The following CCDC91 variants were observed in gnomAD, a reference collection of about 807,000 sequenced individuals.
CCDC91 encodes the protein coiled-coil domain-containing protein 91.
CCDC91 carries 48 observed loss-of-function variants against 63.2 expected under a neutral mutation model. That is an observed-to-expected ratio of 0.76 (90% CI 0.60 to 0.97). The LOEUF (loss-of-function observed/expected upper bound fraction) is 0.97, where lower values mean the gene tolerates loss of function less well. Ranked by LOEUF, CCDC91 falls within the 50% of genes least tolerant of loss-of-function variation. The pLI is 0.00. For missense variants in CCDC91, 500 were observed against 494.6 expected (o/e 1.01, Z -0.10); for synonymous variants, 167 against 165.8 (o/e 1.01, Z -0.06).
intron 11 of CCDC91, among the ~76,000 whole-genome samples, chr12:28,469,160 T>G (rs181694194): frequency 4.1e-4 from 62 of 152,094 alleles, no homozygotes; most frequent in Non-Finnish European, 2.2e-4. Context: ...TTATTTTTTT[T>G]GCAGATGATT....
At chr12:28,343,507 TG>T (rs1260793790) in intron 6 of CCDC91, among the ~76,000 whole-genome samples, 1 of 151,704 alleles carries the variant, frequency 6.6e-6, no homozygotes, top group East Asian at 1.9e-4. Context: ...AGAGAAAGGG[TG>T]GGGTAAGAGG....
At chr12:28,384,072 C>T (rs1945454909) in intron 7 of CCDC91, among the ~76,000 whole-genome samples, 1 of 152,132 alleles carries the variant, frequency 6.6e-6, no homozygotes, top group South Asian at 2.1e-4. Flanking sequence ...GAACAGCATT[C>T]AGGGCCAAAT....
intron 3 of CCDC91, among the ~76,000 whole-genome samples, chr12:28,303,104 T>G (rs1312576813): frequency 6.6e-6 from 1 of 152,128 alleles, no homozygotes; most frequent in Non-Finnish European, 1.5e-5. Context: ...GTCATTATCA[T>G]TCTCTGGAGA....
chr12:28,532,091 C>T (rs1206776894), intron 12 of CCDC91, among the ~76,000 whole-genome samples: 1 of 151,884 alleles, frequency 6.6e-6, no homozygotes, highest in Admixed American at 6.6e-5. Flanking sequence ...AAGGAAGTTC[C>T]TTATAGAGGG....
In CCDC91 at chr12:28,528,064, C is replaced by G. The variant is rs373166267; in HGVS notation, c.1216-20999C>G. On this transcript the variant is annotated intron_variant, in intron 12 of 12. Transcript: ENST00000536442. ...AGTAAGCAGGGCTTTCCTTCTCCCC[C>G]CACCTGTGGAGTCTGCACGCTGGAT... 2.3e-4 allele frequency among the ~76,000 whole-genome samples: 35 copies of G among 152,284 alleles called. No individual in the cohort carries two copies. In the East Asian group the frequency reaches 5.4e-3, roughly 24 times the overall value.
At chr12:28,536,048 T>C (rs1228087219) in intron 12 of CCDC91, among the ~76,000 whole-genome samples, 2 of 150,560 alleles carry the variant, frequency 1.3e-5, no homozygotes, top group South Asian at 4.2e-4. Context: ...AAAAAATATA[T>C]ATTGTGGGAA....
intron 1 of CCDC91, among the ~76,000 whole-genome samples, chr12:28,251,482 T>C (rs531322223): frequency 4.6e-5 from 7 of 152,096 alleles, no homozygotes; most frequent in African/African-American, 1.4e-4. Context: ...AAGAAAAACT[T>C]TCTTGAGTTT....
At chr12:28,285,011 G>GTC (rs1948829888) in intron 3 of CCDC91, among the ~76,000 whole-genome samples, 4 of 152,174 alleles carry the variant, frequency 2.6e-5, no homozygotes, top group African/African-American at 9.7e-5. Flanking sequence ...AGGGTTGGTG[G>GTC]AAAGAGCACT....
At chr12:28,200,576 T>G (rs1231764438) in intron 1 of CCDC91, among the ~76,000 whole-genome samples, 3 of 149,046 alleles carry the variant, frequency 2.0e-5, no homozygotes, top group East Asian at 3.9e-4. Context: ...ACACAGCACA[T>G]GATTCAGAGA....
chr12:28,202,072 T>C lies in CCDC91; in HGVS notation c.-15+11431T>C, dbSNP rs73261695. Reference sequence around the variant, plus strand: ...TCTAGTGAATTTTTGAATTAAATTATTATACTTTTTAATTCCACAATGTTT... The same window carrying C: ...TCTAGTGAATTTTTGAATTAAATTACTATACTTTTTAATTCCACAATGTTT... On this transcript the variant is annotated intron_variant, in intron 1 of 12. Coordinates refer to ENST00000536442, the MANE Select transcript of CCDC91 (RefSeq NM_018318.5). Among the ~76,000 whole-genome samples, 209 of 152,346 alleles carry C rather than the reference T, an allele frequency of 1.4e-3. 1 individual carries two copies. Among genetic ancestry groups the C allele is most frequent in the African/African-American group, 4.8e-3 (199 of 41,566 alleles).
chr12:28,334,631 T>C (rs563045899), intron 6 of CCDC91, among the ~76,000 whole-genome samples: 3 of 152,328 alleles, frequency 2.0e-5, no homozygotes, highest in African/African-American at 7.2e-5. Context: ...GCACAAATTT[T>C]GGATACTTTT....
chr12:28,334,807 A>G (rs1175373545), intron 6 of CCDC91, among the ~76,000 whole-genome samples: 1 of 152,112 alleles, frequency 6.6e-6, no homozygotes. Context: ...TGGGCACCAA[A>G]CCAACCAAAC....
rs1942945768 is a variant in CCDC91 at position 28,207,580 on chromosome 12, G to A, written c.-15+16939G>A. ...CAACCAGAAAACATGCATTGAAAAT[G>A]ACAAATGAAATCCCTTTATAAATGT... On this transcript the variant is annotated intron_variant, in intron 1 of 12. Coordinates refer to ENST00000536442, the MANE Select transcript of CCDC91 (RefSeq NM_018318.5). 2.0e-5 allele frequency among the ~76,000 whole-genome samples: 3 copies of A among 152,144 alleles called. No homozygotes were observed. In the South Asian group the frequency reaches 6.2e-4, roughly 31 times the overall value.
intron 6 of CCDC91, among the ~76,000 whole-genome samples, chr12:28,327,370 C>T (rs1941111144): frequency 6.6e-6 from 1 of 152,108 alleles, no homozygotes; most frequent in African/African-American, 2.4e-5. Flanking sequence ...GCTCCATCTT[C>T]CCTGTCCCTT....
chr12:28,297,467 C>G (rs1949626048), intron 3 of CCDC91, among the ~76,000 whole-genome samples: 1 of 151,830 alleles, frequency 6.6e-6, no homozygotes, highest in Admixed American at 6.6e-5. Flanking sequence ...ATTCATTGCA[C>G]TTTTGATTTG....
At chr12:28,441,895 G>C (rs530151075) in intron 8 of CCDC91, among the ~76,000 whole-genome samples, 2 of 151,994 alleles carry the variant, frequency 1.3e-5, no homozygotes, top group African/African-American at 4.8e-5. Flanking sequence ...TAAGTGCATA[G>C]CTAAGATTGT....
intron 12 of CCDC91, among the ~76,000 whole-genome samples, chr12:28,495,806 A>T (rs1180944675): frequency 6.6e-6 from 1 of 151,666 alleles, no homozygotes; most frequent in Non-Finnish European, 1.5e-5. Flanking sequence ...ATCTGGTAAT[A>T]GAAGTATCCA....
At chr12:28,521,215 T>C (rs1230964519) in intron 12 of CCDC91, among the ~76,000 whole-genome samples, 1 of 152,228 alleles carries the variant, frequency 6.6e-6, no homozygotes, top group African/African-American at 2.4e-5. Flanking sequence ...CATGGAATGT[T>C]CTTCCATTTG....
chr12:28,545,048 G>GT, intron 12 of CCDC91, among the ~76,000 whole-genome samples: 1 of 151,958 alleles, frequency 6.6e-6, no homozygotes, highest in Middle Eastern at 3.2e-3. Flanking sequence ...TCAGATATGT[G>GT]TAAGAGCTGA....
Sources: gnomAD v4.1 joint callset for allele counts (sites outside exome capture counted in the v4.1 genomes callset) on GRCh38, gnomAD v4.1.1 for gene constraint, MANE v1.5 for transcripts, NCBI Gene and HGNC (gene_info 2026-07-23, HGNC 2026-07-21) for gene names.